Variants in IL1RAPL2 observed in about 807,000 individuals in gnomAD.
IL1RAPL2 encodes interleukin 1 receptor accessory protein like 2, also known as X-linked interleukin-1 receptor accessory protein-like 2.
In IL1RAPL2, 3 loss-of-function variants were observed where a neutral mutation model predicts 44.1. The observed-to-expected ratio is 0.07, with a 90% CI of 0.03 to 0.18. The LOEUF (loss-of-function observed/expected upper bound fraction) is 0.18. Among genes scored for constraint, IL1RAPL2 ranks in the 10% least tolerant of loss-of-function variants. The pLI, the probability that IL1RAPL2 is intolerant of heterozygous loss-of-function variation, is 1.00. For missense variants in IL1RAPL2, 391 were observed against 496.4 expected (o/e 0.79, Z 2.02); for synonymous variants, 181 against 178.8 (o/e 1.01, Z -0.10).
chrX:104,689,980 TA>T (rs1931062916), intron 2 of IL1RAPL2, among the ~76,000 whole-genome samples: 1 of 112,430 alleles, frequency 8.9e-6, no homozygotes, highest in Non-Finnish European at 1.9e-5. Context: ...TTTATGAGAA[TA>T]AATTTGCATT....
In IL1RAPL2 at chrX:105,749,102, T is replaced by C. The variant is rs1446036300; in HGVS notation, c.1191T>C (p.Asp397=). The C allele has an allele frequency of 8.3e-6, 10 of 1,202,906 alleles. No individual in the cohort carries two copies. Among genetic ancestry groups the C allele is most frequent in the Non-Finnish European group, 9.0e-6 (8 of 890,735 alleles). ...RQHFGADETN[D]DNKEYDAYLS... is the part of the protein sequence containing the mutation. ...ACTTTGGAGCTGATGAAACTAATGATGGTAAGCTGTCTTCTATTGTTCAAA... is the reference window on the plus strand; with the variant it reads ...ACTTTGGAGCTGATGAAACTAATGACGGTAAGCTGTCTTCTATTGTTCAAA... The change falls in exon 9 of 11, where the codon GAT becomes GAC. Residue 397 remains aspartate (D), a splice_region_variant and synonymous_variant. Transcript: ENST00000372582.
chrX:104,724,454 TAAAGTA>T (rs920919268), intron 2 of IL1RAPL2, among the ~76,000 whole-genome samples: 5 of 111,142 alleles, frequency 4.5e-5, no homozygotes, highest in Non-Finnish European at 9.4e-5. Context: ...CCCTAAAACT[TAAAGTA>T]TAATAAAAAA....
chrX:105,070,855 C>T (rs2032198641), intron 2 of IL1RAPL2, among the ~76,000 whole-genome samples: 1 of 109,348 alleles, frequency 9.1e-6, no homozygotes, highest in Admixed American at 9.9e-5. Flanking sequence ...TTTCCAGTTC[C>T]CTTTCTATGC....
chrX:104,652,400 T>G (rs1480909399), intron 1 of IL1RAPL2, among the ~76,000 whole-genome samples: 2 of 112,243 alleles, frequency 1.8e-5, no homozygotes, highest in African/African-American at 6.5e-5. Flanking sequence ...AAGTTTCCAC[T>G]CATTTGCATT....
chrX:104,846,363 C>T lies in IL1RAPL2; in HGVS notation c.82+187368C>T, dbSNP rs774407189. Among the ~76,000 whole-genome samples the T allele has an allele frequency of 3.7e-5, 4 of 109,245 alleles. No individual in the cohort carries two copies. The South Asian group carries it at 1.6e-3, about 45-fold the overall frequency. 94.9% of individuals were successfully genotyped at this position (109,245 alleles called of 115,157 possible). On this transcript the variant is annotated intron_variant, in intron 2 of 10. Coordinates refer to ENST00000372582, the MANE Select transcript of IL1RAPL2 (RefSeq NM_017416.2). ...CCTCCCCCCTCTCCCCACCCCACGA[C>T]AGGCCCCGGTGTGTGATGTTCCCCT...
intron 2 of IL1RAPL2, among the ~76,000 whole-genome samples, chrX:104,661,732 TG>T (rs1166381096): frequency 8.9e-6 from 1 of 112,071 alleles, no homozygotes; most frequent in East Asian, 2.8e-4. Context: ...TACAAATTTT[TG>T]CTTCATGTAG....
chrX:105,666,329 G>A (rs1049721759), intron 6 of IL1RAPL2, among the ~76,000 whole-genome samples: 1 of 110,464 alleles, frequency 9.1e-6, no homozygotes, highest in African/African-American at 3.3e-5. Context: ...CTGGTCCCGT[G>A]GTGCCAACAA....
chrX:104,620,767 G>T (rs932360479), intron 1 of IL1RAPL2, among the ~76,000 whole-genome samples: 6 of 105,393 alleles, frequency 5.7e-5, no homozygotes, highest in African/African-American at 2.1e-4. Context: ...TTGGCTCTTG[G>T]ACTGTGCTTA....
chrX:104,747,717 G>A (rs1932200416), intron 2 of IL1RAPL2, among the ~76,000 whole-genome samples: 1 of 111,273 alleles, frequency 9.0e-6, no homozygotes, highest in African/African-American at 3.3e-5. Context: ...AATGGCATAT[G>A]GAAAGGCCCT....
intron 5 of IL1RAPL2, among the ~76,000 whole-genome samples, chrX:105,352,952 A>G (rs867001751): frequency 3.8e-4 from 42 of 109,314 alleles, no homozygotes; most frequent in African/African-American, 1.2e-3. Flanking sequence ...CCCATTTGTC[A>G]ATTTTGGCTT....
intron 6 of IL1RAPL2, among the ~76,000 whole-genome samples, chrX:105,615,111 T>C (rs1026076688): frequency 8.9e-6 from 1 of 112,021 alleles, no homozygotes; most frequent in Non-Finnish European, 1.9e-5. Context: ...GAGGAATGCA[T>C]ATCAGAACTA....
At chrX:105,546,851 CTATTTTCTGAAATA>C (rs1440518655) in intron 6 of IL1RAPL2, among the ~76,000 whole-genome samples, 15 of 112,233 alleles carry the variant, frequency 1.3e-4, no homozygotes. Context: ...CTCACCACTT[CTATTTTCTGAAATA>C]TATTAGTTGA....
chrX:104,971,849 T>G (rs1448079577), intron 2 of IL1RAPL2, among the ~76,000 whole-genome samples: 1 of 111,303 alleles, frequency 9.0e-6, no homozygotes, highest in Admixed American at 9.6e-5. Flanking sequence ...CTATGAACCC[T>G]GGAGGCACAA....
At chrX:104,856,515 C>T (rs1011476619) in intron 2 of IL1RAPL2, among the ~76,000 whole-genome samples, 2 of 111,918 alleles carry the variant, frequency 1.8e-5, no homozygotes, top group African/African-American at 3.2e-5. Context: ...TCCCCATGAC[C>T]TTGAAAGGTC....
chrX:105,759,107 C>T (rs147032436), intron 10 of IL1RAPL2, among the ~76,000 whole-genome samples: 5,745 of 111,316 alleles, frequency 0.052, 385 homozygotes, highest in African/African-American at 0.18. Flanking sequence ...TGCTTTTGGG[C>T]CTATCTTATC....
At chrX:105,073,859 A>C (rs2032246772) in intron 2 of IL1RAPL2, among the ~76,000 whole-genome samples, 1 of 111,247 alleles carries the variant, frequency 9.0e-6, no homozygotes, top group Admixed American at 9.6e-5. Context: ...GTGTCTGTTC[A>C]TATCCTTTGC....
chrX:105,223,349 G>A (rs1019629740), intron 3 of IL1RAPL2, among the ~76,000 whole-genome samples: 3 of 111,298 alleles, frequency 2.7e-5, no homozygotes, highest in Admixed American at 1.9e-4. Context: ...GGACAGCACC[G>A]TGGCCTGCCT....
intron 2 of IL1RAPL2, among the ~76,000 whole-genome samples, chrX:104,882,565 G>T (rs1412410491): frequency 9.0e-6 from 1 of 111,406 alleles, no homozygotes; most frequent in Non-Finnish European, 1.9e-5. Flanking sequence ...TCTAGCTAAA[G>T]GTTTGTAAAT....
intron 6 of IL1RAPL2, among the ~76,000 whole-genome samples, chrX:105,609,459 T>C (rs753535006): frequency 7.2e-5 from 8 of 111,153 alleles, no homozygotes; most frequent in Admixed American, 3.8e-4. Flanking sequence ...GGGGTAATTA[T>C]AGAGAGTTTC....
Sources: gnomAD v4.1 joint callset for allele counts (sites outside exome capture counted in the v4.1 genomes callset) on GRCh38, gnomAD v4.1.1 for gene constraint, MANE v1.5 for transcripts, NCBI Gene and HGNC (gene_info 2026-07-23, HGNC 2026-07-21) for gene names.